Variants in HECW1 observed in about 807,000 individuals in gnomAD.
HECW1 encodes HECT, C2 and WW domain containing E3 ubiquitin protein ligase 1.
A neutral mutation model predicts 182.3 loss-of-function variants in HECW1; 61 were observed. That is an observed-to-expected ratio of 0.33 (90% CI 0.27 to 0.41). The LOEUF (loss-of-function observed/expected upper bound fraction) is 0.41. Ranked by LOEUF, HECW1 falls within the 10% of genes least tolerant of loss-of-function variation. HECW1 has a pLI of 1.00. For missense variants in HECW1, 1,739 were observed against 2,108.9 expected (o/e 0.82, Z 3.44); for synonymous variants, 859 against 832.6 (o/e 1.03, Z -0.55).
At chr7:43,489,557 A>G (rs1289533375) in intron 17 of HECW1, among the ~76,000 whole-genome samples, 1 of 152,226 alleles carries the variant, frequency 6.6e-6, no homozygotes, top group Admixed American at 6.5e-5. Flanking sequence ...ATCTAATGAC[A>G]TCAAAGTGAG....
intron 24 of HECW1, among the ~76,000 whole-genome samples, chr7:43,529,598 C>T (rs1402163081): frequency 6.6e-6 from 1 of 152,208 alleles, no homozygotes; most frequent in East Asian, 1.9e-4. Context: ...TGACTTCAGA[C>T]CCTACTGAAA....
intron 2 of HECW1, among the ~76,000 whole-genome samples, chr7:43,237,100 A>C: frequency 7.1e-6 from 1 of 139,994 alleles, no homozygotes; most frequent in Non-Finnish European, 1.5e-5. Context: ...CAGGGATGGG[A>C]GGGAGGGAAG....
intron 3 of HECW1, among the ~76,000 whole-genome samples, chr7:43,309,324 G>A (rs948719569): frequency 6.6e-6 from 1 of 152,146 alleles, no homozygotes; most frequent in African/African-American, 2.4e-5. Flanking sequence ...GCAAGGGACG[G>A]CTTTGAGGCT....
rs116344045 is a variant in HECW1 at position 43,493,911 on chromosome 7, A to C, written c.3437+731A>C. On this transcript the variant is annotated intron_variant, in intron 19 of 29. Transcript: ENST00000395891. ...GCCCTTAGTCTCCCAAATGGGGGTC[A>C]CAAAGTGGGCATGGTTGCAATACTT... is the stretch of plus-strand genomic sequence containing the variant. Among the ~76,000 whole-genome samples, 473 of 152,278 alleles carry C rather than the reference A, an allele frequency of 3.1e-3. 2 individuals carry two copies. The highest frequency in any genetic ancestry group is 0.011 in the African/African-American group (439 of 41,562).
intron 8 of HECW1, among the ~76,000 whole-genome samples, chr7:43,417,761 T>C (rs1325481716): frequency 6.6e-6 from 1 of 152,228 alleles, no homozygotes; most frequent in Non-Finnish European, 1.5e-5. Flanking sequence ...AATAAATCTA[T>C]AATGATTTAA....
At chr7:43,375,743 A>C (rs1440359347) in intron 6 of HECW1, among the ~76,000 whole-genome samples, 4 of 151,968 alleles carry the variant, frequency 2.6e-5, no homozygotes, top group African/African-American at 9.7e-5. Flanking sequence ...AACTACAAAA[A>C]TTAGCCAGGC....
intron 3 of HECW1, among the ~76,000 whole-genome samples, chr7:43,247,686 AGG>A: frequency 9.3e-6 from 1 of 106,976 alleles, no homozygotes; most frequent in African/African-American, 3.5e-5. Context: ...GGAGGGAGGG[AGG>A]GAGGAAGGAA....
At chr7:43,290,916 G>T (rs1213283874) in intron 3 of HECW1, among the ~76,000 whole-genome samples, 2 of 152,170 alleles carry the variant, frequency 1.3e-5, no homozygotes, top group Admixed American at 1.3e-4. Context: ...ACGAGGCAGG[G>T]ACCCCATCCC....
At chr7:43,442,504 T>A (rs1474811436) in intron 9 of HECW1, 25 bp from the exon 10 acceptor site, 1 of 1,530,086 alleles carries the variant, frequency 6.5e-7, no homozygotes, top group Non-Finnish European at 9.1e-7. Flanking sequence ...TGACCAGAAC[T>A]GTGATGGTGC....
chr7:43,288,931 G>A (rs1298666508), intron 3 of HECW1, among the ~76,000 whole-genome samples: 1 of 152,016 alleles, frequency 6.6e-6, no homozygotes, highest in Non-Finnish European at 1.5e-5. Context: ...TTAGTTACGG[G>A]GATATCCAGG....
chr7:43,246,576 G>A (rs1270440942), intron 3 of HECW1, among the ~76,000 whole-genome samples: 2 of 152,150 alleles, frequency 1.3e-5, no homozygotes, highest in Non-Finnish European at 2.9e-5. Flanking sequence ...TAGACCTGAC[G>A]GGAACTAAGC....
intron 3 of HECW1, among the ~76,000 whole-genome samples, chr7:43,281,593 T>G (rs10250916): frequency 0.1 from 15,460 of 152,032 alleles, 2,402 homozygotes; most frequent in African/African-American, 0.33. Flanking sequence ...CTTCTTTCTC[T>G]CAGTCCACTC....
chr7:43,296,128 G>A (rs1806017828), intron 3 of HECW1, among the ~76,000 whole-genome samples: 1 of 152,104 alleles, frequency 6.6e-6, no homozygotes, highest in African/African-American at 2.4e-5. Context: ...AATCACATAA[G>A]AGGAATTCTT....
intron 2 of HECW1, among the ~76,000 whole-genome samples, chr7:43,149,592 A>T (rs1270776349): frequency 6.6e-6 from 1 of 152,222 alleles, no homozygotes; most frequent in African/African-American, 2.4e-5. Context: ...CCAATACTTA[A>T]TTTTGACAAA....
At chr7:43,344,792 C>T (rs1172786671) in intron 5 of HECW1, among the ~76,000 whole-genome samples, 1 of 152,054 alleles carries the variant, frequency 6.6e-6, no homozygotes, top group Non-Finnish European at 1.5e-5. Flanking sequence ...GTTTAATCTA[C>T]TGTTAAACCT....
intron 16 of HECW1, among the ~76,000 whole-genome samples, chr7:43,476,767 T>C (rs1014064562): frequency 6.6e-6 from 1 of 152,132 alleles, no homozygotes; most frequent in Non-Finnish European, 1.5e-5. Flanking sequence ...CTTAATATTA[T>C]ACCAAAATAA....
chr7:43,507,135 AG>A lies in HECW1; in HGVS notation c.3632del, dbSNP rs1233809763. 1 of 1,612,910 alleles carries A rather than the reference AG, an allele frequency of 6.2e-7. No individual in the cohort carries two copies. The highest frequency in any genetic ancestry group is 8.5e-7 in the Non-Finnish European group (1 of 1,179,450). ...ATGACCTCTGTGTGCTTCTCTCTGC[AG>A]GTTTACAGAGAGCCAGTGCAAGAGC... On this transcript the variant is annotated splice_acceptor_variant, in intron 21 of 29. Transcript: ENST00000395891. LOFTEE classifies it high-confidence loss of function.
intron 2 of HECW1, among the ~76,000 whole-genome samples, chr7:43,214,578 TGTG>T (rs1198463012): frequency 2.6e-5 from 4 of 152,132 alleles, no homozygotes; most frequent in Non-Finnish European, 4.4e-5. Flanking sequence ...TTTATTGTTC[TGTG>T]GTGGTGGTGG....
At chr7:43,438,874 C>G (rs947078577) in intron 9 of HECW1, 9 of 152,088 alleles carry the variant, frequency 5.9e-5, no homozygotes, top group Non-Finnish European at 1.0e-4. Flanking sequence ...GTAACCCTTA[C>G]AAAGATAGCA....
Sources: gnomAD v4.1 joint callset for allele counts (sites outside exome capture counted in the v4.1 genomes callset) on GRCh38, gnomAD v4.1.1 for gene constraint, MANE v1.5 for transcripts, NCBI Gene and HGNC (gene_info 2026-07-23, HGNC 2026-07-21) for gene names.